NEK10: variants seen among roughly 807,000 people sequenced by gnomAD.
The protein encoded by NEK10 is serine/threonine-protein kinase Nek10.
A neutral mutation model predicts 159.8 loss-of-function variants in NEK10; 122 were observed. That is an observed-to-expected ratio of 0.76 (90% CI 0.66 to 0.89). NEK10 has a LOEUF of 0.89. Among genes scored for constraint, NEK10 ranks in the 40% least tolerant of loss-of-function variants. The probability of loss-of-function intolerance (pLI) is 0.00; values close to 1 mark genes in which losing one functional copy is unlikely to be tolerated. For synonymous variants in NEK10, 466 were observed against 457.1 expected, an observed-to-expected ratio of 1.02 and a Z score of -0.25; for missense variants, 1,342 against 1,323.1, an observed-to-expected ratio of 1.01 and a Z score of -0.22.
intron 30 of NEK10, among the ~76,000 whole-genome samples, chr3:27,155,448 G>C (rs1299855629): frequency 6.6e-6 from 1 of 151,484 alleles, no homozygotes; most frequent in Non-Finnish European, 1.5e-5. Context: ...GTTGCAGTGA[G>C]CCAAAATTGC....
At chr3:27,166,090 C>A (rs763205861) in intron 29 of NEK10, among the ~76,000 whole-genome samples, 2 of 152,086 alleles carry the variant, frequency 1.3e-5, no homozygotes, top group Non-Finnish European at 2.9e-5. Flanking sequence ...TAATGCCTTC[C>A]GAAACTACTG....
At chr3:27,221,365 A>C (rs1213316007) in intron 23 of NEK10, among the ~76,000 whole-genome samples, 1 of 152,250 alleles carries the variant, frequency 6.6e-6, no homozygotes, top group Non-Finnish European at 1.5e-5. Flanking sequence ...GTTAAACTTC[A>C]TGAGTTACAG....
intron 26 of NEK10, among the ~76,000 whole-genome samples, chr3:27,188,361 AT>A (rs918783059): frequency 2.0e-5 from 3 of 152,122 alleles, no homozygotes; most frequent in African/African-American, 7.2e-5. Flanking sequence ...ATTGTTTATA[AT>A]TTTTTATAAG....
intron 16 of NEK10, 52 bp downstream of exon 16, chr3:27,293,536 A>G (rs2043148727): frequency 1.1e-6 from 1 of 947,326 alleles, no homozygotes; most frequent in African/African-American, 1.6e-5. Context: ...AAACAGTTCA[A>G]TCTAATGATC....
rs778127168 is a variant in NEK10, at chr3:27,301,778, A to G, written c.1086T>C (p.Ala362=). 7.7e-6 allele frequency: 12 copies of G among 1,561,104 alleles called. No individual in the cohort carries two copies. In the South Asian group the frequency reaches 9.4e-5, roughly 12 times the overall value. ...SSIGSLSSAN[A]AGRIQQLHLS... is the part of the protein sequence containing the mutation. ...AATGAAGCTGCTGGATTCGGCCTGC[A>G]GCATTTGCACTGGACAGGCTTCCAA... Residue 362 remains alanine (A), a synonymous_variant, in exon 13 of 36, where the codon GCT becomes GCC. Coordinates refer to ENST00000691995, the MANE Select transcript of NEK10 (RefSeq NM_001394966.1).
At position 27,287,744 on chromosome 3, in the gene NEK10, C is replaced by T; in HGVS notation, c.1744-1G>A. 1 of 1,555,928 alleles carries T rather than the reference C, an allele frequency of 6.4e-7. No individual in the cohort carries two copies. Among genetic ancestry groups the T allele is most frequent in the Non-Finnish European group, 8.6e-7 (1 of 1,157,922 alleles). On this transcript the variant is annotated splice_acceptor_variant, in intron 19 of 35. Coordinates refer to ENST00000691995, the MANE Select transcript of NEK10 (RefSeq NM_001394966.1). LOFTEE classifies it high-confidence loss of function. The stretch of plus-strand genomic sequence containing the variant: ...AACGTACAATGTTGGGATGATAAAG[C>T]TATAAGAAAATAAATAACAAACATG...
chr3:27,180,003 C>G (rs1947908916), intron 26 of NEK10, among the ~76,000 whole-genome samples: 1 of 152,050 alleles, frequency 6.6e-6, no homozygotes, highest in Non-Finnish European at 1.5e-5. Flanking sequence ...ATTGCTTAAA[C>G]CTGGGAGGCG....
intron 5 of NEK10, among the ~76,000 whole-genome samples, chr3:27,326,083 C>T (rs1182937145): frequency 6.6e-6 from 1 of 152,104 alleles, no homozygotes. Flanking sequence ...TCAGACATAC[C>T]CTGCATTGGG....
intron 23 of NEK10, chr3:27,255,449 G>A (rs368706060): frequency 2.0e-4 from 40 of 200,500 alleles, no homozygotes; most frequent in African/African-American, 8.4e-4. Context: ...TCCTCAAGAA[G>A]AGTCGTGTTT....
intron 30 of NEK10, among the ~76,000 whole-genome samples, chr3:27,156,544 C>A (rs573307893): frequency 2.0e-5 from 3 of 151,760 alleles, no homozygotes; most frequent in African/African-American, 7.3e-5. Flanking sequence ...AACGAACATA[C>A]GAAAAAATGT....
At chr3:27,322,809 T>A (rs569885193) in intron 5 of NEK10, among the ~76,000 whole-genome samples, 92 of 152,290 alleles carry the variant, frequency 6.0e-4, no homozygotes, top group African/African-American at 2.0e-3. Flanking sequence ...AAAACTCAGC[T>A]TCTGAAAGAT....
At chr3:27,136,891 C>T (rs1943274971) in intron 31 of NEK10, among the ~76,000 whole-genome samples, 1 of 152,300 alleles carries the variant, frequency 6.6e-6, no homozygotes, top group Middle Eastern at 3.4e-3. Flanking sequence ...CAGTTTAGGG[C>T]AGCTACCAAG....
chr3:27,197,164 TTTTTA>T (rs1949629553), intron 25 of NEK10, among the ~76,000 whole-genome samples: 1 of 152,058 alleles, frequency 6.6e-6, no homozygotes, highest in Non-Finnish European at 1.5e-5. Flanking sequence ...TCACTCTTTT[TTTTTA>T]TTTTTATTTA....
At chr3:27,325,858 C>CTCT (rs1490916066) in intron 5 of NEK10, among the ~76,000 whole-genome samples, 1 of 152,252 alleles carries the variant, frequency 6.6e-6, no homozygotes, top group Non-Finnish European at 1.5e-5. Flanking sequence ...ATCACCAAGA[C>CTCT]TCTTGGCAGC....
At chr3:27,313,804 C>T (rs2044915067) in intron 7 of NEK10, among the ~76,000 whole-genome samples, 1 of 152,104 alleles carries the variant, frequency 6.6e-6, no homozygotes, top group African/African-American at 2.4e-5. Context: ...CCTCCGCCCC[C>T]CAGGTTTAAG....
intron 23 of NEK10, among the ~76,000 whole-genome samples, chr3:27,210,539 A>G (rs1950915672): frequency 6.6e-6 from 1 of 152,198 alleles, no homozygotes; most frequent in South Asian, 2.1e-4. Context: ...GACCACCTTC[A>G]CTAGCCAGGC....
At chr3:27,286,056 G>A (rs1217468542) in intron 20 of NEK10, among the ~76,000 whole-genome samples, 1 of 103,618 alleles carries the variant, frequency 9.7e-6, no homozygotes, top group South Asian at 3.3e-4. Flanking sequence ...CATATTTTAT[G>A]TATTTTTAAG....
At chr3:27,112,189 C>T (rs1360175344) in intron 35 of NEK10, among the ~76,000 whole-genome samples, 1 of 152,170 alleles carries the variant, frequency 6.6e-6, no homozygotes, top group African/African-American at 2.4e-5. Context: ...TTAAACAGTT[C>T]CAGAAATCTT....
chr3:27,131,448 A>G (rs1233298123), intron 32 of NEK10, among the ~76,000 whole-genome samples: 1 of 152,298 alleles, frequency 6.6e-6, no homozygotes, highest in South Asian at 2.1e-4. Context: ...ACTATCTAAG[A>G]TGGAAAGAAC....
Sources: allele counts gnomAD v4.1 joint callset (sites outside exome capture counted in the v4.1 genomes callset), GRCh38; gene constraint gnomAD v4.1.1; transcripts MANE v1.5; gene names NCBI Gene and HGNC (gene_info 2026-07-23, HGNC 2026-07-21).